Variants in SLC24A2 observed in about 807,000 individuals in gnomAD.
SLC24A2 encodes the protein solute carrier family 24 member 2.
In SLC24A2, 36 loss-of-function variants were observed where a neutral mutation model predicts 62.0. That is an observed-to-expected ratio of 0.58 (90% CI 0.44 to 0.77). The LOEUF is 0.77. Among genes scored for constraint, SLC24A2 ranks in the 30% least tolerant of loss-of-function variants. The probability of loss-of-function intolerance (pLI) is 0.00; values close to 1 mark genes in which losing one functional copy is unlikely to be tolerated. For missense variants in SLC24A2, 846 were observed against 817.9 expected, an observed-to-expected ratio of 1.03 and a Z score of -0.42; for synonymous variants, 358 against 294.0, an observed-to-expected ratio of 1.22 and a Z score of -2.23.
the SLC24A2 span, among the ~76,000 whole-genome samples, chr9:19,849,834 C>G: frequency 2.0e-5 from 3 of 152,040 alleles, no homozygotes; most frequent in Non-Finnish European, 2.9e-5. Context: ...TATCAACAAT[C>G]AAGGATATTT....
At chr9:20,097,890 T>TA in the SLC24A2 span, among the ~76,000 whole-genome samples, 2 of 151,230 alleles carry the variant, frequency 1.3e-5, no homozygotes, top group Admixed American at 1.3e-4. Context: ...CTACAGGCGC[T>TA]CGACACCACG....
chr9:20,231,607 T>A, the SLC24A2 span, among the ~76,000 whole-genome samples: 1 of 152,246 alleles, frequency 6.6e-6, no homozygotes, highest in Non-Finnish European at 1.5e-5. Flanking sequence ...TTTGCTGAAG[T>A]TGCTTATCAG....
At chr9:19,531,992 G>T (rs543408693) in intron 8 of SLC24A2, among the ~76,000 whole-genome samples, 1 of 152,266 alleles carries the variant, frequency 6.6e-6, no homozygotes, top group East Asian at 1.9e-4. Context: ...CACCACCCCT[G>T]AGGATACCAA....
the SLC24A2 span, among the ~76,000 whole-genome samples, chr9:20,301,009 G>C: frequency 6.6e-6 from 1 of 152,114 alleles, no homozygotes; most frequent in Non-Finnish European, 1.5e-5. Context: ...AGAGTCCCAG[G>C]AAAACCACAA....
In SLC24A2 at chr9:19,514,553, G is replaced by A. The variant is rs1832854132; in HGVS notation, c.*1600C>T. On this transcript the variant is annotated 3_prime_UTR_variant, in exon 11 of 11. Transcript: ENST00000341998. ...CTTTATTTTCGACTGACATAGATCTGAGAAAACACACAAGGTGTCATACAG... is the reference window on the plus strand; with the variant it reads ...CTTTATTTTCGACTGACATAGATCTAAGAAAACACACAAGGTGTCATACAG... 1 of 152,110 alleles carries A rather than the reference G, an allele frequency of 6.6e-6. No individual in the cohort carries two copies. The highest frequency in any genetic ancestry group is 6.6e-5 in the Admixed American group (1 of 15,266). 9.4% of individuals were successfully genotyped at this position (152,110 alleles called of 1,614,324 possible). A position where few individuals can be genotyped will look rare whatever the true frequency, so the allele number is the denominator to read the frequency against.
chr9:19,636,315 T>TTTTCTTTCTTTCTTTCTTTCTTTC (rs72137164), intron 2 of SLC24A2, among the ~76,000 whole-genome samples: 16 of 40,186 alleles, frequency 4.0e-4, no homozygotes, highest in Non-Finnish European at 5.2e-4. Context: ...TTTTCTTTTC[T>TTTTCTTTCTTTCTTTCTTTCTTTC]TTTCTTTCTT....
At chr9:20,161,840 G>A in the SLC24A2 span, among the ~76,000 whole-genome samples, 5 of 150,908 alleles carry the variant, frequency 3.3e-5, no homozygotes, top group Admixed American at 1.3e-4. Flanking sequence ...TAGTTAATGA[G>A]GATATGCTAC....
chr9:20,283,752 G>T, the SLC24A2 span, among the ~76,000 whole-genome samples: 225 of 60,868 alleles, frequency 3.7e-3, 2 homozygotes, highest in South Asian at 0.012. Context: ...GAAAAAAAAA[G>T]GGGGGGGGGG....
chr9:19,677,333 A>C (rs1819589176), intron 2 of SLC24A2, among the ~76,000 whole-genome samples: 1 of 152,238 alleles, frequency 6.6e-6, no homozygotes, highest in Non-Finnish European at 1.5e-5. Flanking sequence ...ACAGGGACAG[A>C]AAACCAAATA....
the SLC24A2 span, among the ~76,000 whole-genome samples, chr9:20,109,639 G>C: frequency 1.3e-5 from 2 of 152,168 alleles, no homozygotes; most frequent in Non-Finnish European, 2.9e-5. Context: ...TGAATACTGG[G>C]AAACTTTTGG....
the SLC24A2 span, among the ~76,000 whole-genome samples, chr9:19,963,708 G>T: frequency 6.6e-6 from 1 of 152,092 alleles, no homozygotes; most frequent in African/African-American, 2.4e-5. Flanking sequence ...TCATTAAAAA[G>T]TCAGGAAACA....
the SLC24A2 span, among the ~76,000 whole-genome samples, chr9:20,111,206 A>G: frequency 1.3e-5 from 2 of 152,140 alleles, no homozygotes; most frequent in Admixed American, 6.6e-5. Context: ...AGGCACCGGT[A>G]GGAGTGGGAG....
chr9:19,753,556 T>A (rs972929186), intron 2 of SLC24A2, among the ~76,000 whole-genome samples: 3 of 152,210 alleles, frequency 2.0e-5, no homozygotes, highest in African/African-American at 2.4e-5. Flanking sequence ...TTCATTTCTA[T>A]TTTTTAAGAA....
At chr9:19,947,617 T>C in the SLC24A2 span, among the ~76,000 whole-genome samples, 2 of 151,374 alleles carry the variant, frequency 1.3e-5, no homozygotes, top group Non-Finnish European at 2.9e-5. Flanking sequence ...GGTGAAACCC[T>C]GTCTGTACTA....
At chr9:19,857,649 T>A in the SLC24A2 span, among the ~76,000 whole-genome samples, 1 of 152,234 alleles carries the variant, frequency 6.6e-6, no homozygotes, top group African/African-American at 2.4e-5. Flanking sequence ...TTTATTAATT[T>A]AATTTTCAGA....
chr9:20,278,683 T>C, the SLC24A2 span, among the ~76,000 whole-genome samples: 2 of 152,232 alleles, frequency 1.3e-5, no homozygotes, highest in African/African-American at 4.8e-5. Flanking sequence ...CACATCGTCC[T>C]GTCTTCGGAG....
the SLC24A2 span, among the ~76,000 whole-genome samples, chr9:20,227,316 C>T: frequency 6.6e-6 from 1 of 151,884 alleles, no homozygotes. Flanking sequence ...GGTGTGTAAC[C>T]TCACTTTTCT....
At chr9:19,836,075 C>T in the SLC24A2 span, among the ~76,000 whole-genome samples, 1 of 152,096 alleles carries the variant, frequency 6.6e-6, no homozygotes, top group African/African-American at 2.4e-5. Flanking sequence ...ACATTCAAAG[C>T]AGTGTGTAGA....
the SLC24A2 span, among the ~76,000 whole-genome samples, chr9:20,137,334 G>T: frequency 6.6e-6 from 1 of 152,152 alleles, no homozygotes; most frequent in Non-Finnish European, 1.5e-5. Flanking sequence ...TAATGCCAGT[G>T]GAGGAGTCTA....
Sources: gnomAD v4.1 joint callset for allele counts (sites outside exome capture counted in the v4.1 genomes callset) on GRCh38, gnomAD v4.1.1 for gene constraint, MANE v1.5 for transcripts, NCBI Gene and HGNC (gene_info 2026-07-23, HGNC 2026-07-21) for gene names.